SEMA5A: variants seen among roughly 807,000 people sequenced by gnomAD.
The protein encoded by SEMA5A is semaphorin-5A.
A neutral mutation model predicts 135.5 loss-of-function variants in SEMA5A; 55 were observed. The ratio of observed to expected loss-of-function variants is 0.41; its 90% CI spans 0.33 to 0.51. The LOEUF is 0.51. Among genes scored for constraint, SEMA5A ranks in the 20% least tolerant of loss-of-function variants. The probability of loss-of-function intolerance (pLI) is 0.37; values close to 1 mark genes in which losing one functional copy is unlikely to be tolerated. For synonymous variants in SEMA5A, 580 were observed against 546.5 expected (o/e 1.06, Z -0.85); for missense variants, 1,290 against 1,419.9 (o/e 0.91, Z 1.47).
In SEMA5A at chr5:9,109,027, A is replaced by ATTTTTTTTTTT. The variant is rs1305606521; in HGVS notation, c.1926-741_1926-740insAAAAAAAAAAA. ...ATCATGAGTCATATTATTTCTCTTCAATTTTTTTTTTTTTTTTTTTTTTTT... is the reference window on the plus strand; with the variant it reads ...ATCATGAGTCATATTATTTCTCTTCATTTTTTTTTTTATTTTTTTTTTTTTTTTTTTTTTTT... On this transcript the variant is annotated intron_variant, in intron 15 of 22. Coordinates refer to ENST00000382496, the MANE Select transcript of SEMA5A (RefSeq NM_003966.3). Among the ~76,000 whole-genome samples the ATTTTTTTTTTT allele has an allele frequency of 8.1e-4, 96 of 118,894 alleles. 11 individuals carry two copies. Among genetic ancestry groups the ATTTTTTTTTTT allele is most frequent in the East Asian group, 7.4e-3 (28 of 3,798 alleles). 78.0% of individuals were successfully genotyped at this position (118,894 alleles called of 152,430 possible). A position where few individuals can be genotyped will look rare whatever the true frequency, so the allele number is the denominator to read the frequency against.
At chr5:9,109,190 G>A (rs943383933) in intron 15 of SEMA5A, among the ~76,000 whole-genome samples, 13 of 150,808 alleles carry the variant, frequency 8.6e-5, no homozygotes, top group Admixed American at 2.0e-4. Flanking sequence ...ACAGGCGCCC[G>A]CCACTACGCC....
At chr5:9,248,953 C>T (rs983228393) in intron 5 of SEMA5A, among the ~76,000 whole-genome samples, 1 of 152,162 alleles carries the variant, frequency 6.6e-6, no homozygotes, top group Non-Finnish European at 1.5e-5. Flanking sequence ...TAATTTGTCA[C>T]AGCAGCCATA....
At chr5:9,330,258 C>T (rs187648624) in intron 4 of SEMA5A, among the ~76,000 whole-genome samples, 2,297 of 151,932 alleles carry the variant, frequency 0.015, 52 homozygotes, top group African/African-American at 0.053. Flanking sequence ...GGCGTGGTAG[C>T]GGGCGCCTGT....
chr5:9,389,857 T>A (rs536528753), intron 2 of SEMA5A, among the ~76,000 whole-genome samples: 2 of 152,308 alleles, frequency 1.3e-5, no homozygotes, highest in African/African-American at 4.8e-5. Context: ...TGTTACAGCC[T>A]TTATCATCCT....
intron 11 of SEMA5A, among the ~76,000 whole-genome samples, chr5:9,164,569 T>C (rs1371077876): frequency 6.6e-6 from 1 of 152,096 alleles, no homozygotes; most frequent in Non-Finnish European, 1.5e-5. Context: ...CACCTTTATA[T>C]GTAGTTCTGA....
chr5:9,420,008 C>T (rs528916554), intron 2 of SEMA5A, among the ~76,000 whole-genome samples: 38 of 152,248 alleles, frequency 2.5e-4, no homozygotes, highest in African/African-American at 8.9e-4. Flanking sequence ...TTGGGCCCCT[C>T]GGTGGCCATA....
chr5:9,275,523 A>G (rs1383531189), intron 5 of SEMA5A, among the ~76,000 whole-genome samples: 1 of 152,134 alleles, frequency 6.6e-6, no homozygotes. Flanking sequence ...GCAGAGACAC[A>G]ATAAAAAAAA....
At chr5:9,415,757 G>A (rs531866920) in intron 2 of SEMA5A, among the ~76,000 whole-genome samples, 5 of 152,284 alleles carry the variant, frequency 3.3e-5, no homozygotes, top group East Asian at 1.9e-4. Context: ...TGTCTGCACC[G>A]TTGTAATTCA....
chr5:9,125,499 A>T (rs1003446942), intron 13 of SEMA5A, among the ~76,000 whole-genome samples: 1 of 151,710 alleles, frequency 6.6e-6, no homozygotes, highest in Non-Finnish European at 1.5e-5. Context: ...CCCCCTCACA[A>T]CCCACCCTCC....
chr5:9,328,381 T>C (rs1252808712), intron 4 of SEMA5A, among the ~76,000 whole-genome samples: 1 of 152,210 alleles, frequency 6.6e-6, no homozygotes, highest in Non-Finnish European at 1.5e-5. Context: ...AATGCAAATA[T>C]GATTATGTGA....
intron 20 of SEMA5A, among the ~76,000 whole-genome samples, chr5:9,051,525 C>A (rs750416626): frequency 2.0e-5 from 3 of 152,098 alleles, no homozygotes; most frequent in Non-Finnish European, 2.9e-5. Context: ...GCATACACAG[C>A]GAGCACTGCC....
intron 18 of SEMA5A, among the ~76,000 whole-genome samples, chr5:9,058,360 C>T (rs918539502): frequency 6.6e-6 from 1 of 152,024 alleles, no homozygotes; most frequent in Non-Finnish European, 1.5e-5. Context: ...CAGGTTAGGG[C>T]TTCCCATAAC....
intron 3 of SEMA5A, among the ~76,000 whole-genome samples, chr5:9,344,600 C>T (rs1753782431): frequency 6.6e-6 from 1 of 152,164 alleles, no homozygotes; most frequent in Admixed American, 6.5e-5. Flanking sequence ...AACCAGGGCA[C>T]ACCCCAGGCA....
At chr5:9,063,158 C>A in intron 17 of SEMA5A, 53 bp from the exon 18 acceptor site, 1 of 1,504,194 alleles carries the variant, frequency 6.6e-7, no homozygotes, top group Non-Finnish European at 9.1e-7. Flanking sequence ...AGAGGAACTA[C>A]AGTCCATGCT....
chr5:9,154,093 A>ATATATATATGTGTGTGTGTGTG (rs372321939), intron 12 of SEMA5A, among the ~76,000 whole-genome samples: 26 of 73,480 alleles, frequency 3.5e-4, no homozygotes, highest in South Asian at 5.5e-4. Flanking sequence ...ATATATATAT[A>ATATATATATGTGTGTGTGTGTG]TGTGTGTGTG....
At chr5:9,095,872 G>A (rs1739286038) in intron 16 of SEMA5A, among the ~76,000 whole-genome samples, 1 of 152,214 alleles carries the variant, frequency 6.6e-6, no homozygotes, top group African/African-American at 2.4e-5. Context: ...GGCTGCATTT[G>A]TATAAACATG....
chr5:9,089,453 T>C lies in SEMA5A; in HGVS notation c.2073+18687A>G, dbSNP rs1374325736. The stretch of plus-strand genomic sequence containing the variant: ...GTGAGCCCCCCACCAACTCCCCCCA[T>C]AAAGGCTCAGCATGGCACCTTTCAC... On this transcript the variant is annotated intron_variant, in intron 16 of 22. Transcript: ENST00000382496. Among the ~76,000 whole-genome samples the C allele has an allele frequency of 3.3e-5, 5 of 151,904 alleles. No individual in the cohort carries two copies. In the East Asian group the frequency reaches 9.7e-4, roughly 30 times the overall value.
chr5:9,217,393 C>A (rs1478599625), intron 8 of SEMA5A, among the ~76,000 whole-genome samples: 1 of 152,084 alleles, frequency 6.6e-6, no homozygotes, highest in Non-Finnish European at 1.5e-5. Context: ...TTGTAGGTGA[C>A]CTGTCTTTTC....
chr5:9,459,323 T>C (rs141255819), intron 1 of SEMA5A, among the ~76,000 whole-genome samples: 4 of 152,204 alleles, frequency 2.6e-5, no homozygotes, highest in Non-Finnish European at 5.9e-5. Context: ...ATAATATATA[T>C]GCATGATTAG....
Sources: allele counts gnomAD v4.1 joint callset (sites outside exome capture counted in the v4.1 genomes callset), GRCh38; gene constraint gnomAD v4.1.1; transcripts MANE v1.5; gene names NCBI Gene and HGNC (gene_info 2026-07-23, HGNC 2026-07-21).